WDR1: variants seen among roughly 807,000 people sequenced by gnomAD.
WDR1 encodes WD repeat-containing protein 1.
In WDR1, 21 loss-of-function variants were observed where a neutral mutation model predicts 71.9. The observed-to-expected ratio is 0.29, with a 90% confidence interval of 0.21 to 0.42. The LOEUF (loss-of-function observed/expected upper bound fraction) is 0.42, where lower values mean the gene tolerates loss of function less well. Ranked by LOEUF, WDR1 falls within the 10% of genes least tolerant of loss-of-function variation. WDR1 has a pLI of 1.00. For synonymous variants in WDR1, 424 were observed against 347.4 expected (o/e 1.22, Z -2.45); for missense variants, 696 against 824.5 (o/e 0.84, Z 1.91).
chr4:10,084,924 C>T (rs536420017), intron 8 of WDR1, among the ~76,000 whole-genome samples: 1 of 152,354 alleles, frequency 6.6e-6, no homozygotes, highest in East Asian at 1.9e-4. Context: ...TCCAGGAGGA[C>T]TTCGCTGGCC....
chr4:10,106,929 G>A (rs960214817), intron 2 of WDR1, among the ~76,000 whole-genome samples: 1 of 152,116 alleles, frequency 6.6e-6, no homozygotes, highest in Non-Finnish European at 1.5e-5. Context: ...CATCAGCTGG[G>A]TCGAGATGGC....
intron 2 of WDR1, among the ~76,000 whole-genome samples, chr4:10,106,896 C>G (rs1713055106): frequency 6.6e-6 from 1 of 152,192 alleles, no homozygotes; most frequent in Admixed American, 6.5e-5. Flanking sequence ...CCACGTGTCA[C>G]TCGGCCTGTG....
At chr4:10,076,067 C>A (rs1392987471) in intron 14 of WDR1, 1 of 153,170 alleles carries the variant, frequency 6.5e-6, no homozygotes, top group African/African-American at 2.4e-5. Context: ...CTAGCTCTGC[C>A]CATGAAGCCC....
At chr4:10,092,692 C>A (rs540298856) in intron 5 of WDR1, 1 of 270,500 alleles carries the variant, frequency 3.7e-6, no homozygotes, top group Non-Finnish European at 7.5e-6. Context: ...AAGAGAGAAG[C>A]CGCGAAAAGC....
chr4:10,101,451 C>G (rs1033165129), intron 3 of WDR1, among the ~76,000 whole-genome samples: 1 of 152,208 alleles, frequency 6.6e-6, no homozygotes, highest in Non-Finnish European at 1.5e-5. Flanking sequence ...AGCAAACGTT[C>G]CAATGTAAGC....
chr4:10,105,388 G>A (rs1433743578), intron 2 of WDR1, among the ~76,000 whole-genome samples: 1 of 152,186 alleles, frequency 6.6e-6, no homozygotes, highest in African/African-American at 2.4e-5. Context: ...ACTTAACACA[G>A]CATTATGTGA....
intron 14 of WDR1, chr4:10,075,786 CA>C (rs1410441972): frequency 3.8e-5 from 19 of 498,828 alleles, no homozygotes; most frequent in Non-Finnish European, 6.6e-5. Context: ...CCAAGTTCCA[CA>C]GGAGTGAAAT....
intron 1 of WDR1, 26 bp from the exon 2 acceptor site, chr4:10,116,260 C>A: frequency 6.2e-7 from 1 of 1,612,580 alleles, no homozygotes; most frequent in South Asian, 1.1e-5. Context: ...TGCGGCGGGG[C>A]ATGTCAGGGC....
Position 10,098,874 on chromosome 4 carries a change from T to C in WDR1, c.377+118A>G. ...ACGGGGCCCGGCACCTACTGGGAGC[T>C]CAACCCTCACGAGTGCAAGTTAGTA... On this transcript the variant is annotated intron_variant, in intron 4 of 14. Transcript: ENST00000499869. 6 of 1,465,294 alleles carry C rather than the reference T, an allele frequency of 4.1e-6. No homozygotes were observed. In the South Asian group the frequency reaches 6.3e-5, roughly 15 times the overall value. 90.8% of individuals were successfully genotyped at this position (1,465,294 alleles called of 1,614,324 possible).
At chr4:10,103,405 C>T (rs1167450970) in intron 3 of WDR1, among the ~76,000 whole-genome samples, 2 of 152,120 alleles carry the variant, frequency 1.3e-5, no homozygotes, top group African/African-American at 4.8e-5. Flanking sequence ...TTTCTGCTGA[C>T]CTCCAAGCTG....
intron 2 of WDR1, among the ~76,000 whole-genome samples, chr4:10,104,646 G>A (rs1409536158): frequency 1.3e-5 from 2 of 152,160 alleles, no homozygotes; most frequent in Non-Finnish European, 2.9e-5. Context: ...TGTGCTAAAA[G>A]TAGATCCCTG....
At chr4:10,105,217 C>G (rs947289753) in intron 2 of WDR1, among the ~76,000 whole-genome samples, 1 of 152,146 alleles carries the variant, frequency 6.6e-6, no homozygotes, top group African/African-American at 2.4e-5. Context: ...ACATGTCCAC[C>G]GGGATGGCAC....
intron 14 of WDR1, 95 bp from the exon 15 acceptor site, chr4:10,075,579 A>C (rs1213812328): frequency 8.6e-7 from 1 of 1,157,208 alleles, no homozygotes; most frequent in Non-Finnish European, 1.3e-6. Flanking sequence ...TGCCTAAATC[A>C]TCTCCAGGGC....
intron 8 of WDR1, 85 bp from the exon 9 acceptor site, chr4:10,084,615 G>A: frequency 1.6e-6 from 2 of 1,288,004 alleles, no homozygotes; most frequent in Middle Eastern, 1.9e-4. Context: ...GAAGCTTCTG[G>A]GTAATGGAGG....
At chr4:10,103,834 C>G in intron 3 of WDR1, 62 bp downstream of exon 3, 4 of 1,457,776 alleles carry the variant, frequency 2.7e-6, no homozygotes, top group Non-Finnish European at 3.8e-6. Context: ...CAGCTTCGCC[C>G]TGGGCCCTGA....
At chr4:10,102,429 A>G (rs537098130) in intron 3 of WDR1, among the ~76,000 whole-genome samples, 5 of 152,306 alleles carry the variant, frequency 3.3e-5, no homozygotes, top group African/African-American at 1.2e-4. Context: ...GCCCTCAGGA[A>G]TGGGTATTAT....
Position 10,102,093 on chromosome 4 carries a change from C to T in WDR1, c.229+1803G>A, listed in dbSNP as rs561453708. ...GACCGCCAACAGCAGTCAGCCAGCT[C>T]ACCCAGCCGCCTGGCTCGATCAGAA... On this transcript the variant is annotated intron_variant, in intron 3 of 14. Coordinates refer to ENST00000499869, the MANE Select transcript of WDR1 (RefSeq NM_017491.5). 2.4e-4 allele frequency among the ~76,000 whole-genome samples: 36 copies of T among 152,360 alleles called. 1 individual carries two copies. The highest frequency in any genetic ancestry group is 8.7e-4 in the African/African-American group (36 of 41,584).
chr4:10,116,454 C>T (rs1423572831), intron 1 of WDR1, 197 bp downstream of exon 1: 1 of 787,962 alleles, frequency 1.3e-6, no homozygotes, highest in Non-Finnish European at 1.8e-6. Context: ...CGGCCCACGG[C>T]GCCAACTTGG....
chr4:10,094,535 T>C, intron 5 of WDR1: 1 of 152,150 alleles, frequency 6.6e-6, no homozygotes, highest in East Asian at 1.9e-4. Context: ...CACCCTCCCT[T>C]TTTCAGGCCA....
Sources: allele counts gnomAD v4.1 joint callset (sites outside exome capture counted in the v4.1 genomes callset), GRCh38; gene constraint gnomAD v4.1.1; transcripts MANE v1.5; gene names NCBI Gene and HGNC (gene_info 2026-07-23, HGNC 2026-07-21).